CCDC158: variants seen among roughly 807,000 people sequenced by gnomAD.
CCDC158 encodes the protein coiled-coil domain containing 158, also known as coiled-coil domain-containing protein 158.
A neutral mutation model predicts 138.6 loss-of-function variants in CCDC158; 116 were observed. The observed-to-expected ratio is 0.84, with a 90% CI of 0.72 to 0.98. The LOEUF is 0.98. Among genes scored for constraint, CCDC158 ranks in the 50% least tolerant of loss-of-function variants. The pLI is 0.00. For synonymous variants in CCDC158, 436 were observed against 442.4 expected (o/e 0.99, Z 0.18); for missense variants, 1,265 against 1,306.1 (o/e 0.97, Z 0.48).
intron 13 of CCDC158, 110 bp downstream of exon 13, chr4:76,362,016 T>C: frequency 2.6e-6 from 2 of 766,246 alleles, no homozygotes; most frequent in South Asian, 1.9e-5. Context: ...TAACTATTCA[T>C]GTTTGTCATG....
intron 24 of CCDC158, 110 bp downstream of exon 24, chr4:76,323,192 G>T: frequency 1.4e-6 from 1 of 713,226 alleles, no homozygotes; most frequent in Non-Finnish European, 2.4e-6. Context: ...TCAGTTTACA[G>T]TTGTTAATTC....
chr4:76,352,884 C>A (rs945457061), intron 16 of CCDC158: 1 of 378,770 alleles, frequency 2.6e-6, no homozygotes, highest in Non-Finnish European at 4.6e-6. Context: ...CTTACTGCTC[C>A]TGTGACTATG....
In CCDC158 at chr4:76,325,898, T is replaced by C. The variant is rs1382989909; in HGVS notation, c.3128A>G (p.Tyr1043Cys). The change falls in exon 23 of 25, where the codon TAT becomes TGT. Residue 1043 changes from tyrosine to cysteine, a missense_variant. Physicochemically the swap from Tyr to Cys is radical, Grantham distance 194. Coordinates refer to ENST00000682701, the MANE Select transcript of CCDC158 (RefSeq NM_001394954.1). ...TGAATGAATAGGTTTGGCAGATCTATACTGTGATGTGGAACCTATTGAACC... is the reference window on the plus strand; with the variant it reads ...TGAATGAATAGGTTTGGCAGATCTACACTGTGATGTGGAACCTATTGAACC... ...VEGSIGSTSQ[Y>C]RSAKPIHSSD... 7 of 1,613,710 alleles carry C rather than the reference T, an allele frequency of 4.3e-6. No individual in the cohort carries two copies. In the Admixed American group the frequency reaches 5.0e-5, roughly 12 times the overall value.
At chr4:76,420,008 A>C (rs1193706955) in intron 1 of CCDC158, among the ~76,000 whole-genome samples, 1 of 150,476 alleles carries the variant, frequency 6.6e-6, no homozygotes, top group African/African-American at 2.5e-5. Flanking sequence ...GCATACATAC[A>C]AATAAATTGC....
intron 4 of CCDC158, among the ~76,000 whole-genome samples, chr4:76,389,529 TA>T (rs1406874006): frequency 6.6e-6 from 1 of 152,136 alleles, no homozygotes; most frequent in Admixed American, 6.5e-5. Flanking sequence ...GAGAAGAAGA[TA>T]GGGGTAGAAA....
At chr4:76,344,644 T>C (rs575388209) in intron 18 of CCDC158, 2 of 1,588,268 alleles carry the variant, frequency 1.3e-6, no homozygotes, top group South Asian at 2.2e-5. Flanking sequence ...AAATTTACAG[T>C]GCACACAAAG....
chr4:76,331,551 C>T (rs748564187), intron 20 of CCDC158, 148 bp from the exon 21 acceptor site: 58 of 650,148 alleles, frequency 8.9e-5, no homozygotes, highest in Non-Finnish European at 1.4e-4. Context: ...TAAACATTAA[C>T]TTAATGATAA....
chr4:76,413,721 A>C (rs1729478136), intron 1 of CCDC158, among the ~76,000 whole-genome samples: 1 of 152,132 alleles, frequency 6.6e-6, no homozygotes, highest in Non-Finnish European at 1.5e-5. Context: ...TTGGACTAGA[A>C]AAATCTCTAA....
chr4:76,416,164 C>T (rs550186720), intron 1 of CCDC158, among the ~76,000 whole-genome samples: 12 of 152,280 alleles, frequency 7.9e-5, no homozygotes, highest in South Asian at 6.2e-4. Context: ...CTCTCTGCCT[C>T]AGCTGCCAGG....
intron 8 of CCDC158, among the ~76,000 whole-genome samples, chr4:76,381,323 A>T (rs981255046): frequency 6.6e-6 from 1 of 152,246 alleles, no homozygotes; most frequent in Admixed American, 6.5e-5. Context: ...ATGCAGAGCA[A>T]CAAGGGCAGA....
In CCDC158 at chr4:76,384,123, T is replaced by C; in HGVS notation, c.691A>G (p.Thr231Ala). 6.2e-7 allele frequency: 1 copy of C among 1,610,692 alleles called. No homozygotes were observed. The highest frequency in any genetic ancestry group is 8.5e-7 in the Non-Finnish European group (1 of 1,177,546). The change falls in exon 6 of 25, where the codon ACA becomes GCA. Residue 231 changes from threonine (T) to alanine (A), a missense_variant. Transcript: ENST00000682701. ...CTCCCTTTAAGATAAGAAATCTCTGTGTCTAATTCTCTTAGTATTTTACTA... is the reference window on the plus strand; with the variant it reads ...CTCCCTTTAAGATAAGAAATCTCTGCGTCTAATTCTCTTAGTATTTTACTA... ...AISKILRELD[T>A]EISYLKGRIF...
At chr4:76,360,058 C>T (rs978250016) in intron 13 of CCDC158, among the ~76,000 whole-genome samples, 1 of 152,348 alleles carries the variant, frequency 6.6e-6, no homozygotes, top group African/African-American at 2.4e-5. Flanking sequence ...TGGTGCCCTG[C>T]ATTTCAGCTG....
intron 15 of CCDC158, among the ~76,000 whole-genome samples, chr4:76,353,623 A>G (rs1723260491): frequency 6.6e-6 from 1 of 152,212 alleles, no homozygotes; most frequent in Non-Finnish European, 1.5e-5. Context: ...TTTATTTTAA[A>G]CAACAGAGAT....
chr4:76,412,449 CA>C (rs1404043006), intron 1 of CCDC158, among the ~76,000 whole-genome samples: 1 of 151,984 alleles, frequency 6.6e-6, no homozygotes, highest in African/African-American at 2.4e-5. Flanking sequence ...CTTGCCTCTA[CA>C]AAAAATTTTT....
At chr4:76,371,390 T>G in intron 10 of CCDC158, 27 bp downstream of exon 10, 1 of 1,609,568 alleles carries the variant, frequency 6.2e-7, no homozygotes, top group Non-Finnish European at 8.5e-7. Flanking sequence ...GAATTAGTCT[T>G]ATTCATATTT....
chr4:76,385,361 A>G (rs1726688471), intron 4 of CCDC158, among the ~76,000 whole-genome samples: 1 of 152,228 alleles, frequency 6.6e-6, no homozygotes, highest in South Asian at 2.1e-4. Context: ...AAAGAACCAG[A>G]GGAACTAAAG....
At chr4:76,339,898 A>G (rs927513608) in intron 18 of CCDC158, among the ~76,000 whole-genome samples, 1 of 152,150 alleles carries the variant, frequency 6.6e-6, no homozygotes, top group Non-Finnish European at 1.5e-5. Flanking sequence ...CTGAGAGGAG[A>G]TACACCCACA....
At chr4:76,345,739 G>T in intron 18 of CCDC158, 1 of 554,700 alleles carries the variant, frequency 1.8e-6, no homozygotes, top group Non-Finnish European at 3.2e-6. Flanking sequence ...TCTTAAAAAA[G>T]AGGACACAAA....
intron 15 of CCDC158, 134 bp downstream of exon 15, chr4:76,355,190 T>C (rs1463645266): frequency 3.2e-6 from 2 of 624,958 alleles, no homozygotes; most frequent in Non-Finnish European, 5.7e-6. Context: ...CTAGGAACTT[T>C]TCCCTTGTTC....
Sources: allele counts gnomAD v4.1 joint callset (sites outside exome capture counted in the v4.1 genomes callset), GRCh38; gene constraint gnomAD v4.1.1; transcripts MANE v1.5; gene names NCBI Gene and HGNC (gene_info 2026-07-23, HGNC 2026-07-21).